The following MAML2 variants were observed in gnomAD, a reference collection of about 807,000 sequenced individuals.
MAML2 encodes the protein mastermind like transcriptional coactivator 2.
A neutral mutation model predicts 96.1 loss-of-function variants in MAML2; 22 were observed. That is an observed-to-expected ratio of 0.23 (90% CI 0.16 to 0.33). MAML2 has a LOEUF of 0.33. MAML2 is among the 10% of genes least tolerant of loss of function. The pLI is 1.00. For synonymous variants in MAML2, 561 were observed against 521.3 expected (o/e 1.08, Z -1.04); for missense variants, 1,367 against 1,392.4 (o/e 0.98, Z 0.29).
intron 1 of MAML2, among the ~76,000 whole-genome samples, chr11:96,199,803 C>T (rs1861791971): frequency 1.3e-5 from 2 of 152,144 alleles, no homozygotes; most frequent in South Asian, 2.1e-4. Flanking sequence ...ACAGTGACAA[C>T]ATTAATTGGC....
chr11:96,336,632 G>T (rs1224005954), intron 1 of MAML2, among the ~76,000 whole-genome samples: 1 of 152,134 alleles, frequency 6.6e-6, no homozygotes, highest in African/African-American at 2.4e-5. Flanking sequence ...ATTCAGAAAG[G>T]CTTAGCTGCC....
At chr11:96,133,126 T>C (rs1860572526) in intron 1 of MAML2, among the ~76,000 whole-genome samples, 1 of 152,222 alleles carries the variant, frequency 6.6e-6, no homozygotes, top group South Asian at 2.1e-4. Context: ...TCAAGTAGGC[T>C]TTCCTGGATA....
intron 1 of MAML2, among the ~76,000 whole-genome samples, chr11:96,281,722 T>A (rs1016835667): frequency 1.3e-5 from 2 of 151,890 alleles, no homozygotes; most frequent in Admixed American, 1.3e-4. Flanking sequence ...AATTAAAAAT[T>A]TGCTGGATGT....
chr11:96,139,333 C>T (rs1019973722), intron 1 of MAML2, among the ~76,000 whole-genome samples: 42 of 152,040 alleles, frequency 2.8e-4, no homozygotes, highest in African/African-American at 9.2e-4. Context: ...AAAAATTAGC[C>T]GGGCGTGGTG....
intron 1 of MAML2, among the ~76,000 whole-genome samples, chr11:96,130,820 G>T (rs920053101): frequency 2.7e-5 from 4 of 150,640 alleles, no homozygotes; most frequent in African/African-American, 4.9e-5. Context: ...TTTAAAAAAT[G>T]GAACTAAAAT....
intron 1 of MAML2, among the ~76,000 whole-genome samples, chr11:96,222,286 G>A (rs988456704): frequency 6.6e-6 from 1 of 152,200 alleles, no homozygotes; most frequent in Non-Finnish European, 1.5e-5. Context: ...TAAAGGACAC[G>A]TGGTCCCATG....
chr11:96,330,886 GA>G (rs1280080401), intron 1 of MAML2, among the ~76,000 whole-genome samples: 3 of 152,242 alleles, frequency 2.0e-5, no homozygotes, highest in Non-Finnish European at 4.4e-5. Flanking sequence ...ATTCAAGGGG[GA>G]AAAAAGCATC....
intron 1 of MAML2, among the ~76,000 whole-genome samples, chr11:96,331,360 C>G (rs939917787): frequency 2.0e-5 from 3 of 152,128 alleles, no homozygotes; most frequent in Non-Finnish European, 4.4e-5. Context: ...CCAAATTTCC[C>G]CTAACTGTTC....
intron 1 of MAML2, among the ~76,000 whole-genome samples, chr11:96,117,862 C>T (rs902839089): frequency 8.5e-5 from 13 of 152,174 alleles, no homozygotes; most frequent in African/African-American, 3.1e-4. Context: ...AGGGCTCTGC[C>T]TTTTACCAGG....
intron 1 of MAML2, among the ~76,000 whole-genome samples, chr11:96,258,836 T>G (rs1862707698): frequency 6.6e-6 from 1 of 152,238 alleles, no homozygotes; most frequent in South Asian, 2.1e-4. Context: ...CTCAGACTTT[T>G]GTTCCTTTTT....
chr11:96,025,098 C>A (rs535617979), intron 2 of MAML2, among the ~76,000 whole-genome samples: 3 of 152,216 alleles, frequency 2.0e-5, no homozygotes, highest in East Asian at 1.9e-4. Flanking sequence ...CACGTGCACT[C>A]GCATGTTTAT....
At chr11:96,325,630 T>A (rs11021538) in intron 1 of MAML2, among the ~76,000 whole-genome samples, 1 of 150,700 alleles carries the variant, frequency 6.6e-6, no homozygotes, top group Non-Finnish European at 1.5e-5. Flanking sequence ...CACTGATCAT[T>A]TTTTTTTTTC....
chr11:96,103,088 A>G (rs554227650), intron 1 of MAML2, among the ~76,000 whole-genome samples: 1 of 152,120 alleles, frequency 6.6e-6, no homozygotes, highest in African/African-American at 2.4e-5. Flanking sequence ...GGTCCATCCT[A>G]CTTTCCCTCA....
chr11:96,031,731 A>G (rs1445258372), intron 2 of MAML2, among the ~76,000 whole-genome samples: 1 of 152,200 alleles, frequency 6.6e-6, no homozygotes, highest in Admixed American at 6.5e-5. Context: ...CATGCCTGTA[A>G]TCCCAGCACT....
intron 1 of MAML2, among the ~76,000 whole-genome samples, chr11:96,323,101 A>G (rs147013868): frequency 1.3e-4 from 16 of 120,728 alleles, no homozygotes; most frequent in African/African-American, 5.7e-4. Flanking sequence ...AAAAGAGGCT[A>G]CTGGTTTAAA....
At chr11:96,329,184 G>A (rs1210157659) in intron 1 of MAML2, among the ~76,000 whole-genome samples, 1 of 151,076 alleles carries the variant, frequency 6.6e-6, no homozygotes, top group Non-Finnish European at 1.5e-5. Context: ...GAGGATCTGG[G>A]GAAAAAAAAT....
At chr11:96,179,974 G>GTA in intron 1 of MAML2, among the ~76,000 whole-genome samples, 2 of 152,264 alleles carry the variant, frequency 1.3e-5, no homozygotes, top group East Asian at 3.9e-4. Context: ...AGGATAGTAG[G>GTA]GAAAAGCAGG....
chr11:96,289,058 A>G (rs1262789113), intron 1 of MAML2, among the ~76,000 whole-genome samples: 1 of 152,202 alleles, frequency 6.6e-6, no homozygotes, highest in African/African-American at 2.4e-5. Context: ...TTCATTTTCT[A>G]AACATCTTTG....
At chr11:96,079,153 A>G (rs894139347) in intron 2 of MAML2, among the ~76,000 whole-genome samples, 7 of 152,258 alleles carry the variant, frequency 4.6e-5, no homozygotes, top group Non-Finnish European at 1.0e-4. Context: ...AATACCTAAT[A>G]AATAGGGGAA....
Sources: allele counts gnomAD v4.1 joint callset (sites outside exome capture counted in the v4.1 genomes callset), GRCh38; gene constraint gnomAD v4.1.1; transcripts MANE v1.5; gene names NCBI Gene and HGNC (gene_info 2026-07-23, HGNC 2026-07-21).